The following DDX19A variants were observed in gnomAD, a reference collection of about 807,000 sequenced individuals.
DDX19A encodes the protein ATP-dependent RNA helicase DDX19A.
Under a neutral mutation model 60.6 loss-of-function variants are expected in DDX19A, and 12 were observed. The observed-to-expected ratio is 0.20, with a 90% CI of 0.13 to 0.32. DDX19A has a LOEUF of 0.32. Ranked by LOEUF, DDX19A falls within the 10% of genes least tolerant of loss-of-function variation. The probability of loss-of-function intolerance (pLI) is 1.00; values close to 1 mark genes in which losing one functional copy is unlikely to be tolerated. For synonymous variants in DDX19A, 206 were observed against 218.2 expected, an observed-to-expected ratio of 0.94 and a Z score of 0.49; for missense variants, 337 against 600.6, an observed-to-expected ratio of 0.56 and a Z score of 4.59.
chr16:70,372,044 G>A lies in DDX19A; in HGVS notation c.*58G>A, dbSNP rs1431400458. 1 of 1,613,300 alleles carries A rather than the reference G, an allele frequency of 6.2e-7. No individual in the cohort carries two copies. Among genetic ancestry groups the A allele is most frequent in the African/African-American group, 1.3e-5 (1 of 74,914 alleles). The stretch of plus-strand genomic sequence containing the variant: ...CACTGCCCCTGCACAGGAGACAAGT[G>A]CATTTAGGGCACAGGCCCCGACATC... On this transcript the variant is annotated 3_prime_UTR_variant, in exon 12 of 12. Transcript: ENST00000302243.
rs141994191 is a variant in DDX19A at position 70,358,123 on chromosome 16, C to T, written c.293+1876C>T. ...TTGGCTCACTGCAACCTCTACCTCC[C>T]GGGTTCAAGCGATTCTCGTTCCTCA... On this transcript the variant is annotated intron_variant, in intron 4 of 11. Coordinates refer to ENST00000302243, the MANE Select transcript of DDX19A (RefSeq NM_018332.5). Among the ~76,000 whole-genome samples the T allele has an allele frequency of 2.6e-3, 396 of 152,244 alleles. 1 individual carries two copies. Among genetic ancestry groups the T allele is most frequent in the Non-Finnish European group, 4.0e-3 (273 of 68,020 alleles).
intron 9 of DDX19A, among the ~76,000 whole-genome samples, chr16:70,369,549 C>T (rs1253133636): frequency 3.3e-5 from 5 of 151,474 alleles, no homozygotes; most frequent in East Asian, 1.9e-4. Flanking sequence ...TGGTTATAGG[C>T]GTGAGCCACC....
chr16:70,357,362 GTTTGTTTTTTTTTTT>G (rs1964234916), intron 4 of DDX19A, among the ~76,000 whole-genome samples: 22 of 48,872 alleles, frequency 4.5e-4, no homozygotes, highest in African/African-American at 1.8e-3. Context: ...TCTGTTTTTG[GTTTGTTTTTTTTTTT>G]TTTTTTTTTT....
chr16:70,365,771 C>A, intron 7 of DDX19A: 2 of 407,136 alleles, frequency 4.9e-6, no homozygotes, highest in Non-Finnish European at 9.2e-6. Context: ...CAGAGTGAGA[C>A]CCTGTCTCAA....
At chr16:70,359,594 G>A (rs768582812) in intron 4 of DDX19A, among the ~76,000 whole-genome samples, 5 of 152,162 alleles carry the variant, frequency 3.3e-5, no homozygotes, top group Non-Finnish European at 7.3e-5. Context: ...GGTGGCTCAC[G>A]CCTGTAATCC....
At chr16:70,358,856 G>A (rs1196770277) in intron 4 of DDX19A, among the ~76,000 whole-genome samples, 23 of 152,024 alleles carry the variant, frequency 1.5e-4, no homozygotes. Context: ...CTTCTCAAAC[G>A]GAAATTATGC....
intron 2 of DDX19A, among the ~76,000 whole-genome samples, chr16:70,352,839 T>A (rs966934505): frequency 6.6e-5 from 10 of 151,274 alleles, no homozygotes; most frequent in African/African-American, 2.4e-4. Context: ...GGTTTCTCCA[T>A]CTTGGTCAGG....
Position 70,356,127 on chromosome 16 carries a change from A to G in DDX19A, c.173A>G (p.Gln58Arg), listed in dbSNP as rs1964177455. 4 of 1,613,880 alleles carry G rather than the reference A, an allele frequency of 2.5e-6. No individual in the cohort carries two copies. In the African/African-American group the frequency reaches 5.3e-5, roughly 22 times the overall value. ...TTCCTGACAGAGGACAGAGCTGCCC[A>G]GTCCTTACTCAACAAGCTGATCAGA... ...DEEEKEDRAA[Q>R]SLLNKLIRSN... is the part of the protein sequence containing the mutation. Residue 58 changes from glutamine to arginine, a missense_variant, in exon 4 of 12, where the codon CAG (glutamine) becomes CGG (arginine). Coordinates refer to ENST00000302243, the MANE Select transcript of DDX19A (RefSeq NM_018332.5).
Position 70,371,395 on chromosome 16 carries a change from G to A in DDX19A, c.1207G>A (p.Val403Ile). ...ARGIDVEQVS[V>I]VINFDLPVDK... ...AGGCATTGATGTTGAACAAGTGTCT[G>A]TCGTCATCAACTTTGATCTTCCCGT... The change falls in exon 11 of 12, where the codon GTC becomes ATC. Residue 403 changes from valine to isoleucine, a missense_variant. Val to Ile is a conservative substitution (Grantham distance 29, BLOSUM62 3). Around this residue, in one of 6 missense-constraint regions of DDX19A, gnomAD observed 117 missense variants for 274.3 expected, o/e 0.43. Coordinates refer to ENST00000302243, the MANE Select transcript of DDX19A (RefSeq NM_018332.5). 1.9e-6 allele frequency: 3 copies of A among 1,613,386 alleles called. No individual in the cohort carries two copies. The highest frequency in any genetic ancestry group is 2.5e-6 in the Non-Finnish European group (3 of 1,179,768).
Position 70,366,274 on chromosome 16 carries a change from G to A in DDX19A, c.782+12G>A, listed in dbSNP as rs367567797. 1.4e-4 allele frequency: 220 copies of A among 1,613,538 alleles called. No homozygotes were observed. The highest frequency in any genetic ancestry group is 5.0e-4 in the Middle Eastern group (3 of 6,058). On this transcript the variant is annotated intron_variant, in intron 8 of 11. Coordinates refer to ENST00000302243, the MANE Select transcript of DDX19A (RefSeq NM_018332.5). ...ATCCGCATCCAGAGGTAGGGATCTC[G>A]AGGGTGGGGGACTCCTCAGACTCCC...
chr16:70,355,333 C>T (rs769254819), intron 2 of DDX19A, 152 bp from the exon 3 acceptor site: 1 of 594,990 alleles, frequency 1.7e-6, no homozygotes, highest in Non-Finnish European at 2.9e-6. Context: ...CAAGGTTGCG[C>T]CATTGCACTC....
chr16:70,366,547 C>T, intron 8 of DDX19A, 77 bp from the exon 9 acceptor site: 1 of 1,585,068 alleles, frequency 6.3e-7, no homozygotes, highest in Non-Finnish European at 8.6e-7. Flanking sequence ...GCATCTAGAC[C>T]CTCCCAGCTG....
chr16:70,367,876 C>CAAA (rs1205996596), intron 9 of DDX19A, among the ~76,000 whole-genome samples: 3 of 97,290 alleles, frequency 3.1e-5, no homozygotes, highest in Non-Finnish European at 4.3e-5. Flanking sequence ...GACTCCGTCT[C>CAAA]AAAAAAAAAA....
At chr16:70,365,413 C>T (rs192214557) in intron 7 of DDX19A, 63 of 225,444 alleles carry the variant, frequency 2.8e-4, no homozygotes, top group Middle Eastern at 3.5e-3. Flanking sequence ...TTGAATTTAG[C>T]GTCCAGAGTT....
At chr16:70,363,494 G>C (rs2151640156) in intron 5 of DDX19A, 1 of 152,186 alleles carries the variant, frequency 6.6e-6, no homozygotes, top group African/African-American at 2.4e-5. Flanking sequence ...CTGCCACCAT[G>C]CCTGGCTAAT....
chr16:70,366,335 T>G, intron 8 of DDX19A, 73 bp downstream of exon 8: 5 of 1,587,348 alleles, frequency 3.1e-6, no homozygotes, highest in Non-Finnish European at 4.3e-6. Context: ...TTCAGACGCC[T>G]CCTCTGGCTT....
intron 4 of DDX19A, among the ~76,000 whole-genome samples, chr16:70,360,005 G>A (rs1191204324): frequency 2.6e-5 from 4 of 151,924 alleles, no homozygotes; most frequent in Non-Finnish European, 5.9e-5. Context: ...TTATGGCCGG[G>A]CGCTACAGCT....
intron 1 of DDX19A, among the ~76,000 whole-genome samples, chr16:70,349,959 G>A (rs1464288773): frequency 6.6e-6 from 1 of 152,148 alleles, no homozygotes; most frequent in Non-Finnish European, 1.5e-5. Context: ...CATGGTCTTA[G>A]GTTATCATGT....
intron 4 of DDX19A, among the ~76,000 whole-genome samples, chr16:70,358,029 A>T (rs138800066): frequency 9.8e-4 from 149 of 151,802 alleles, no homozygotes; most frequent in Middle Eastern, 3.4e-3. Context: ...TTTTATTTCT[A>T]TTCATTTATT....
Sources: allele counts gnomAD v4.1 joint callset (sites outside exome capture counted in the v4.1 genomes callset), GRCh38; gene constraint gnomAD v4.1.1; regional missense constraint gnomAD v4.1.1; transcripts MANE v1.5; gene names NCBI Gene and HGNC (gene_info 2026-07-23, HGNC 2026-07-21).